The following RALGDS variants were observed in gnomAD, a reference collection of about 807,000 sequenced individuals.
RALGDS encodes the protein ral guanine nucleotide exchange factor.
Under a neutral mutation model 99.8 loss-of-function variants are expected in RALGDS, and 44 were observed. The observed-to-expected ratio is 0.44, with a 90% CI of 0.35 to 0.57. RALGDS has a LOEUF of 0.57. RALGDS is among the 20% of genes least tolerant of loss of function. RALGDS has a pLI of 0.01. For synonymous variants in RALGDS, 529 were observed against 505.0 expected, an observed-to-expected ratio of 1.05 and a Z score of -0.64; for missense variants, 1,022 against 1,203.1, an observed-to-expected ratio of 0.85 and a Z score of 2.23.
chr9:133,103,750 C>G lies in RALGDS; in HGVS notation c.1755G>C (p.Leu585=). Residue 585 remains leucine, a synonymous_variant, in exon 11 of 18, where the codon CTG becomes CTC. Transcript: ENST00000372050. ...CAGCCCCGCCCGGCACACTCACATA[C>G]AGATAGTCCTTCATGGCAGTGTCCA... The part of the protein sequence containing the change: ...VMLDTAMKDY[L]YGRLINFEKR... The G allele has an allele frequency of 6.2e-7, 1 of 1,613,280 alleles. No individual in the cohort carries two copies. The highest frequency in any genetic ancestry group is 8.5e-7 in the Non-Finnish European group (1 of 1,179,868).
chr9:133,128,849 G>C (rs1832243581), intron 1 of RALGDS, among the ~76,000 whole-genome samples: 1 of 152,194 alleles, frequency 6.6e-6, no homozygotes, highest in Non-Finnish European at 1.5e-5. Context: ...AGCACCCTCT[G>C]GACGGAGCTG....
intron 16 of RALGDS, chr9:133,100,687 C>G (rs1030641191): frequency 7.9e-7 from 1 of 1,267,334 alleles, no homozygotes; most frequent in Admixed American, 3.4e-5. Context: ...AAGCACTTGC[C>G]CCTCCAGGAT....
chr9:133,102,069 A>C lies in RALGDS; in HGVS notation c.2080T>G (p.Cys694Gly). Reference sequence around the variant, plus strand: ...TCCCCGCTGCTGAGGTAGGGGCCACACCTGAGCTGGTCACAGGACTTGGAG... The same window carrying C: ...TCCCCGCTGCTGAGGTAGGGGCCACCCCTGAGCTGGTCACAGGACTTGGAG... ...SHSKSCDQLR[C>G]GPYLSSGDIA... The change falls in exon 15 of 18, where the codon TGT becomes GGT. Residue 694 changes from cysteine to glycine, a missense_variant. Transcript: ENST00000372050. 1 of 1,568,856 alleles carries C rather than the reference A, an allele frequency of 6.4e-7. No individual in the cohort carries two copies.
chr9:133,098,864 A>T, intron 17 of RALGDS, 102 bp from the exon 18 acceptor site: 1 of 1,176,698 alleles, frequency 8.5e-7, no homozygotes, highest in Non-Finnish European at 1.2e-6. Context: ...TGAGCCACAG[A>T]CCTCAGATCC....
chr9:133,103,462 AATGGACTG>A (rs1406581231), intron 11 of RALGDS, among the ~76,000 whole-genome samples, 200 bp from the exon 12 acceptor site: 1 of 152,154 alleles, frequency 6.6e-6, no homozygotes, highest in Non-Finnish European at 1.5e-5. Context: ...CTCGGAGGAC[AATGGACTG>A]AGGCCTTGGG....
chr9:133,135,089 G>A (rs1832404069), upstream of RALGDS, among the ~76,000 whole-genome samples: 1 of 152,128 alleles, frequency 6.6e-6, no homozygotes, highest in African/African-American at 2.4e-5. Context: ...TCACAGGAGG[G>A]CCCCTGTGTG....
Position 133,108,113 on chromosome 9 carries a change from C to A in RALGDS, c.1072G>T (p.Val358Phe). 4 of 1,611,288 alleles carry A rather than the reference C, an allele frequency of 2.5e-6. No individual in the cohort carries two copies. Among genetic ancestry groups the A allele is most frequent in the Non-Finnish European group, 2.5e-6 (3 of 1,178,118 alleles). ...TLELEPAPAP[V>F]PSLQPSWPSP... is the part of the protein sequence containing the mutation. ...GGCCAGGAAGGCTGTAATGATGGAACTGGTGCTGGAGCTGGCTCCAGCTCT... is the reference window on the plus strand; with the variant it reads ...GGCCAGGAAGGCTGTAATGATGGAAATGGTGCTGGAGCTGGCTCCAGCTCT... Residue 358 changes from valine to phenylalanine, a missense_variant, in exon 6 of 18, where the codon GTT (valine) becomes TTT (phenylalanine). Transcript: ENST00000372050.
chr9:133,106,722 C>G lies in RALGDS; in HGVS notation c.1440G>C (p.Ser480=), dbSNP rs139209966. ...ARECRILKNF[S]SLYAILSALQ... ...GGGCAGAGAGGATGGCATACAGTGA[C>G]GAGAAGTTCTTGAGGATCCGGCACT... Residue 480 remains serine (S), a synonymous_variant, in exon 8 of 18, where the codon TCG becomes TCC. Transcript: ENST00000372050. 2 of 1,612,548 alleles carry G rather than the reference C, an allele frequency of 1.2e-6. No homozygotes were observed. The highest frequency in any genetic ancestry group is 1.7e-6 in the Non-Finnish European group (2 of 1,179,300).
intron 1 of RALGDS, 49 bp downstream of exon 1, chr9:133,120,923 G>C: frequency 6.9e-7 from 1 of 1,456,112 alleles, no homozygotes; most frequent in Non-Finnish European, 9.0e-7. Flanking sequence ...TCTGCCGCGG[G>C]TGGGGAGGCT....
At chr9:133,107,001 G>A in intron 7 of RALGDS, 84 bp downstream of exon 7, 2 of 1,456,812 alleles carry the variant, frequency 1.4e-6, no homozygotes, top group Non-Finnish European at 1.9e-6. Context: ...GTAGACTGGG[G>A]CCTGTACAGG....
chr9:133,115,931 C>T (rs776120232), intron 1 of RALGDS, among the ~76,000 whole-genome samples: 8 of 152,274 alleles, frequency 5.3e-5, no homozygotes, highest in Non-Finnish European at 1.0e-4. Context: ...AGGCTGCTCG[C>T]TCTCTACAGA....
Position 133,097,963 on chromosome 9 carries a change from T to A in RALGDS, c.*624A>T. On this transcript the variant is annotated 3_prime_UTR_variant, in exon 18 of 18. Coordinates refer to ENST00000372050, the MANE Select transcript of RALGDS (RefSeq NM_006266.4). The stretch of plus-strand genomic sequence containing the variant: ...ACTTGCAGTGGCATGAGATTCAACA[T>A]CGATGGGACTCAGCTGGGACTGTCC... The A allele has an allele frequency of 4.4e-6, 1 of 226,434 alleles. No individual in the cohort carries two copies. Among genetic ancestry groups the A allele is most frequent in the Non-Finnish European group, 8.8e-6 (1 of 113,826 alleles). The allele number at this position is 226,434 out of a possible 1,614,324, so 14.0% of individuals were successfully genotyped here. A position where few individuals can be genotyped will look rare whatever the true frequency, so the allele number is the denominator to read the frequency against.
upstream of RALGDS, among the ~76,000 whole-genome samples, chr9:133,125,958 T>C (rs757377863): frequency 6.6e-6 from 1 of 152,076 alleles, no homozygotes; most frequent in Non-Finnish European, 1.5e-5. Flanking sequence ...CGTGGGCAGC[T>C]AGAACCCGAG....
In RALGDS at chr9:133,129,483, G is replaced by T. The variant is rs570440926; in HGVS notation, c.132+1469C>A. ...GTGACAGGCAGGACCAGGAATTCCCGCTTGTACCAGGCCATGGGCCAGCCG... is the reference window on the plus strand; with the variant it reads ...GTGACAGGCAGGACCAGGAATTCCCTCTTGTACCAGGCCATGGGCCAGCCG... On this transcript the variant is annotated intron_variant, in intron 1 of 17. Transcript: ENST00000372062. 3.6e-6 allele frequency: 5 copies of T among 1,370,530 alleles called. No homozygotes were observed. The African/African-American group carries it at 7.5e-5, about 20-fold the overall frequency. 84.9% of individuals were successfully genotyped at this position (1,370,530 alleles called of 1,614,324 possible).
intron 1 of RALGDS, among the ~76,000 whole-genome samples, chr9:133,128,515 G>C (rs1021102175): frequency 6.6e-6 from 1 of 152,176 alleles, no homozygotes; most frequent in South Asian, 2.1e-4. Context: ...CTCCTGGAGG[G>C]TGGTCAGCCG....
intron 1 of RALGDS, among the ~76,000 whole-genome samples, chr9:133,139,688 G>A (rs1484486592): frequency 6.6e-6 from 1 of 152,190 alleles, no homozygotes; most frequent in East Asian, 1.9e-4. Flanking sequence ...TCAACTTAGG[G>A]CCTGCAAGTG....
At chr9:133,115,160 C>A (rs1831535886) in intron 1 of RALGDS, among the ~76,000 whole-genome samples, 1 of 152,180 alleles carries the variant, frequency 6.6e-6, no homozygotes, top group South Asian at 2.1e-4. Flanking sequence ...TGCCATCTCC[C>A]CGCTCAGGCC....
intron 1 of RALGDS, among the ~76,000 whole-genome samples, chr9:133,127,963 C>T (rs1300739858): frequency 6.6e-6 from 1 of 152,256 alleles, no homozygotes; most frequent in Non-Finnish European, 1.5e-5. Context: ...CCGGATCAGC[C>T]TGGGGCTCGC....
At chr9:133,143,280 C>G (rs1299525223) in intron 1 of RALGDS, among the ~76,000 whole-genome samples, 1 of 152,210 alleles carries the variant, frequency 6.6e-6, no homozygotes. Flanking sequence ...TCCACAGAAG[C>G]CAGGGTGCTT....
Sources: allele counts gnomAD v4.1 joint callset (sites outside exome capture counted in the v4.1 genomes callset), GRCh38; gene constraint gnomAD v4.1.1; transcripts MANE v1.5; gene names NCBI Gene and HGNC (gene_info 2026-07-23, HGNC 2026-07-21).